Variants in MAMDC2 observed in about 807,000 individuals in gnomAD.
MAMDC2 encodes the protein MAM domain-containing protein 2.
A neutral mutation model predicts 89.8 loss-of-function variants in MAMDC2; 57 were observed. The observed-to-expected ratio is 0.63, with a 90% confidence interval of 0.51 to 0.79. The LOEUF (loss-of-function observed/expected upper bound fraction) is 0.79, where lower values mean the gene tolerates loss of function less well. Among genes scored for constraint, MAMDC2 ranks in the 30% least tolerant of loss-of-function variants. MAMDC2 has a pLI of 0.00. For missense variants in MAMDC2, 800 were observed against 820.6 expected (o/e 0.97, Z 0.31); for synonymous variants, 313 against 293.4 (o/e 1.07, Z -0.68).
rs751744509 is a variant in MAMDC2, at chr9:70,126,379, T to C, written c.864T>C (p.Leu288=). The C allele has an allele frequency of 3.1e-6, 5 of 1,613,916 alleles. No individual in the cohort carries two copies. The highest frequency in any genetic ancestry group is 3.4e-6 in the Non-Finnish European group (4 of 1,179,980). ...GGCCAGGGAATGCTGCCTGGAACCT[T>C]GCGGAGGTCGAGTTCAGTGCTCCTT... The part of the protein sequence containing the change: ...ADRPGNAAWN[L]AEVEFSAPYP... The change falls in exon 6 of 14, where the codon CTT becomes CTC. Residue 288 remains leucine, a synonymous_variant. Coordinates refer to ENST00000377182, the MANE Select transcript of MAMDC2 (RefSeq NM_153267.5).
At chr9:70,043,751 A>C, upstream of MAMDC2, 1 of 166,822 alleles carries the variant, frequency 6.0e-6, no homozygotes, top group Non-Finnish European at 1.3e-5. Context: ...TCGGGTCCCA[A>C]CCCAGCGGAG....
intron 8 of MAMDC2, among the ~76,000 whole-genome samples, chr9:70,141,153 G>A (rs2031204000): frequency 6.6e-6 from 1 of 152,112 alleles, no homozygotes; most frequent in African/African-American, 2.4e-5. Flanking sequence ...TCACAATTTT[G>A]TGCTTGTAAT....
At chr9:70,183,502 A>G (rs550434938) in intron 11 of MAMDC2, among the ~76,000 whole-genome samples, 4 of 152,200 alleles carry the variant, frequency 2.6e-5, no homozygotes, top group East Asian at 1.9e-4. Context: ...TGTCTTTAGG[A>G]ACTTGCTTTA....
chr9:70,168,784 G>A lies in MAMDC2; in HGVS notation c.1487G>A (p.Cys496Tyr). Residue 496 changes from cysteine (C) to tyrosine (Y), a missense_variant, in exon 10 of 14, where the codon TGC (cysteine) becomes TAC (tyrosine). By Grantham distance (194) the Cys-to-Tyr change is radical. Coordinates refer to ENST00000377182, the MANE Select transcript of MAMDC2 (RefSeq NM_153267.5). ...LDDITIQLGS[C>Y]SSSEKLPPPP... ...GACATTACAATACAATTGGGAAGCT[G>A]CTCATCTTCAGGTAAGACGGCAATC... 3.1e-6 allele frequency: 5 copies of A among 1,613,694 alleles called. No individual in the cohort carries two copies. The South Asian group carries it at 3.3e-5, about 11-fold the overall frequency.
At position 70,133,494 on chromosome 9, in the gene MAMDC2, T is replaced by C. The variant is rs149373327; in HGVS notation, c.994+1882T>C. On this transcript the variant is annotated intron_variant, in intron 7 of 13. Transcript: ENST00000377182. ...GAACTTCCGCAGATATGAGTTCTTATACAGTTCGGTTAACCAAGTCTCCAT... is the reference window on the plus strand; with the variant it reads ...GAACTTCCGCAGATATGAGTTCTTACACAGTTCGGTTAACCAAGTCTCCAT... Among the ~76,000 whole-genome samples the C allele has an allele frequency of 3.7e-3, 558 of 152,332 alleles. 3 individuals carry two copies. The highest frequency in any genetic ancestry group is 0.02 in the Middle Eastern group (6 of 294).
chr9:70,121,221 C>T (rs890870036), intron 5 of MAMDC2, among the ~76,000 whole-genome samples: 1 of 152,204 alleles, frequency 6.6e-6, no homozygotes, highest in Non-Finnish European at 1.5e-5. Flanking sequence ...TGGCTGACTA[C>T]CAGGGGCCAC....
chr9:70,044,201 C>A lies in MAMDC2; in HGVS notation c.4C>A (p.Leu2Met), dbSNP rs150671682. 1 of 1,613,694 alleles carries A rather than the reference C, an allele frequency of 6.2e-7. No homozygotes were observed. ...TCATCCTCCCTGAAACGCGACCATG[C>A]TGTTAAGGGGCGTCCTCCTGGCGTT... M[L>M]LRGVLLALQA... The change falls in exon 1 of 14, where the codon CTG (leucine) becomes ATG (methionine). Residue 2 changes from leucine (L) to methionine (M), a missense_variant. Transcript: ENST00000377182.
At chr9:70,222,976 T>TA (rs1410237400) in intron 12 of MAMDC2, among the ~76,000 whole-genome samples, 4 of 151,870 alleles carry the variant, frequency 2.6e-5, no homozygotes, top group African/African-American at 4.8e-5. Flanking sequence ...CTGTCTCCTC[T>TA]AAAAGTACAA....
intron 10 of MAMDC2, chr9:70,170,160 G>A: frequency 3.6e-6 from 1 of 278,224 alleles, no homozygotes; most frequent in Non-Finnish European, 6.6e-6. Context: ...TTTCATAAAG[G>A]CAATATACCT....
At position 70,143,630 on chromosome 9, in the gene MAMDC2, A is replaced by G. The variant is rs1389010851; in HGVS notation, c.1215A>G (p.Pro405=). 21 of 1,614,058 alleles carry G rather than the reference A, an allele frequency of 1.3e-5. No individual in the cohort carries two copies. Among genetic ancestry groups the G allele is most frequent in the Non-Finnish European group, 1.7e-5 (20 of 1,180,012 alleles). ...GAAGGCTCTATGGGCCCTCCCTACC[A>G]GGAAACTTGCAGTATTGTCTGCGTT... ...YIGRLYGPSL[P]GNLQYCLRFH... The change falls in exon 9 of 14, where the codon CCA becomes CCG. Residue 405 remains proline (P), a synonymous_variant. Transcript: ENST00000377182.
intron 2 of MAMDC2, among the ~76,000 whole-genome samples, chr9:70,061,073 T>G (rs1827140182): frequency 6.6e-6 from 1 of 152,210 alleles, no homozygotes; most frequent in Non-Finnish European, 1.5e-5. Context: ...GTGTTGCATT[T>G]CTATACCTGC....
At chr9:70,049,860 T>C (rs1322650913) in intron 2 of MAMDC2, among the ~76,000 whole-genome samples, 1 of 152,148 alleles carries the variant, frequency 6.6e-6, no homozygotes, top group Non-Finnish European at 1.5e-5. Flanking sequence ...CTGCCTTGCT[T>C]CCTGGGAACC....
intron 2 of MAMDC2, among the ~76,000 whole-genome samples, chr9:70,045,697 G>A (rs1826732408): frequency 1.3e-5 from 2 of 152,064 alleles, no homozygotes; most frequent in South Asian, 4.1e-4. Context: ...TTCTACTCAG[G>A]GTTCTGCATA....
chr9:70,179,871 TC>T (rs199916736), intron 11 of MAMDC2, among the ~76,000 whole-genome samples: 813 of 51,356 alleles, frequency 0.016, 6 homozygotes, highest in African/African-American at 0.041. Context: ...GATAAAATAT[TC>T]CTTTTTTTTT....
chr9:70,161,574 G>C (rs1277761993), intron 9 of MAMDC2, among the ~76,000 whole-genome samples: 1 of 152,230 alleles, frequency 6.6e-6, no homozygotes, highest in Non-Finnish European at 1.5e-5. Context: ...ACAGTGCTAG[G>C]TTCTAAGAAT....
At chr9:70,079,635 A>G (rs1396330786) in intron 2 of MAMDC2, among the ~76,000 whole-genome samples, 1 of 152,170 alleles carries the variant, frequency 6.6e-6, no homozygotes, top group Non-Finnish European at 1.5e-5. Context: ...TAAACTGCAC[A>G]TGTAATGGCC....
At chr9:70,047,120 T>A (rs572408505) in intron 2 of MAMDC2, among the ~76,000 whole-genome samples, 1 of 152,166 alleles carries the variant, frequency 6.6e-6, no homozygotes, top group Non-Finnish European at 1.5e-5. Context: ...GTTCCATGGT[T>A]CCATTCACCT....
intron 2 of MAMDC2, among the ~76,000 whole-genome samples, chr9:70,051,886 T>TAGAGATAG (rs1554665158): frequency 1.0e-5 from 1 of 100,062 alleles, no homozygotes; most frequent in African/African-American, 3.5e-5. Flanking sequence ...TCTAGATAGA[T>TAGAGATAG]AGAGATAGAT....
Position 70,168,745 on chromosome 9 carries a change from T to C in MAMDC2, c.1448T>C (p.Leu483Pro), listed in dbSNP as rs773772698. The change falls in exon 10 of 14, where the codon CTT (leucine) becomes CCT (proline). Residue 483 changes from leucine to proline, a missense_variant. Leu to Pro is a moderately conservative substitution (Grantham distance 98). Coordinates refer to ENST00000377182, the MANE Select transcript of MAMDC2 (RefSeq NM_153267.5). ...TGCAAAAGTTTCTGGGACTGTGGGC[T>C]TGTAGCCCTGGATGACATTACAATA... The part of the protein sequence containing the change: ...SLCKSFWDCG[L>P]VALDDITIQL... The C allele has an allele frequency of 2.5e-6, 4 of 1,614,140 alleles. No homozygotes were observed. The Admixed American group carries it at 6.7e-5, about 27-fold the overall frequency.
Sources: allele counts gnomAD v4.1 joint callset (sites outside exome capture counted in the v4.1 genomes callset), GRCh38; gene constraint gnomAD v4.1.1; transcripts MANE v1.5; gene names NCBI Gene and HGNC (gene_info 2026-07-23, HGNC 2026-07-21).